Variants in RGSL1 observed in about 807,000 individuals in gnomAD.
RGSL1 encodes regulator of G protein signaling protein-like.
A neutral mutation model predicts 124.7 loss-of-function variants in RGSL1; 97 were observed. The observed-to-expected ratio is 0.78, with a 90% CI of 0.66 to 0.92. The LOEUF is 0.92. RGSL1 is among the 40% of genes least tolerant of loss of function. The pLI, the probability that RGSL1 is intolerant of heterozygous loss-of-function variation, is 0.00. For missense variants in RGSL1, 1,233 were observed against 1,288.4 expected (o/e 0.96, Z 0.66); for synonymous variants, 424 against 438.1 (o/e 0.97, Z 0.40).
At chr1:182,559,137 C>T (rs998054107) in intron 21 of RGSL1, among the ~76,000 whole-genome samples, 1 of 152,180 alleles carries the variant, frequency 6.6e-6, no homozygotes, top group Non-Finnish European at 1.5e-5. Flanking sequence ...TCAGTGCTCC[C>T]TGTGGCTCTC....
chr1:182,519,027 G>A (rs2439864), intron 9 of RGSL1, among the ~76,000 whole-genome samples: 130,525 of 150,854 alleles, frequency 0.87, 56,807 homozygotes, highest in Non-Finnish European at 0.89. Context: ...GGGTAGGTCA[G>A]TAATTTCTAT....
chr1:182,541,330 C>G (rs1659880044), intron 15 of RGSL1, among the ~76,000 whole-genome samples: 1 of 152,092 alleles, frequency 6.6e-6, no homozygotes, highest in African/African-American at 2.4e-5. Context: ...TGATATTTGT[C>G]CTTCTGTGTT....
chr1:182,450,792 T>G (rs1651749967), intron 1 of RGSL1, among the ~76,000 whole-genome samples: 1 of 152,204 alleles, frequency 6.6e-6, no homozygotes, highest in Non-Finnish European at 1.5e-5. Context: ...CTCAGTAATA[T>G]ACTCATTCAA....
chr1:182,508,491 G>C (rs968932681), intron 9 of RGSL1, among the ~76,000 whole-genome samples: 5 of 151,466 alleles, frequency 3.3e-5, no homozygotes, highest in African/African-American at 1.2e-4. Context: ...TAGAGATGAG[G>C]TTTCGCCATG....
At chr1:182,464,903 A>G (rs1455526096) in intron 4 of RGSL1, among the ~76,000 whole-genome samples, 1 of 152,038 alleles carries the variant, frequency 6.6e-6, no homozygotes, top group Non-Finnish European at 1.5e-5. Flanking sequence ...CCTGGGCAAC[A>G]TAATGAGACC....
Position 182,472,572 on chromosome 1 carries a change from G to T in RGSL1, c.463+15G>T, listed in dbSNP as rs2102035138. The T allele has an allele frequency of 4.7e-6, 7 of 1,504,786 alleles. No individual in the cohort carries two copies. The East Asian group carries it at 1.8e-4, about 38-fold the overall frequency. 93.2% of individuals were successfully genotyped at this position (1,504,786 alleles called of 1,614,324 possible). On this transcript the variant is annotated intron_variant, in intron 5 of 21. Coordinates refer to ENST00000294854, the MANE Select transcript of RGSL1 (RefSeq NM_001137669.2). ...CATGAACATCAGTAAGAATTATAAA[G>T]CATCTTTTTGGGGGGATGCAACAAA...
At chr1:182,494,542 CATT>C (rs2102119734) in intron 9 of RGSL1, among the ~76,000 whole-genome samples, 1 of 152,220 alleles carries the variant, frequency 6.6e-6, no homozygotes, top group East Asian at 1.9e-4. Context: ...ACGTGGCTCA[CATT>C]ATATTTTTAT....
At chr1:182,465,315 G>T (rs1018384206) in intron 4 of RGSL1, among the ~76,000 whole-genome samples, 7 of 152,088 alleles carry the variant, frequency 4.6e-5, no homozygotes, top group African/African-American at 1.7e-4. Flanking sequence ...TATTTGTAGG[G>T]ACATGGATGA....
chr1:182,559,078 C>CT (rs1661024300), intron 21 of RGSL1, among the ~76,000 whole-genome samples: 2 of 152,148 alleles, frequency 1.3e-5, no homozygotes, highest in African/African-American at 4.8e-5. Flanking sequence ...ATAGCTCTGA[C>CT]TATTCTTTCT....
chr1:182,501,423 A>G (rs1297288930), intron 9 of RGSL1, among the ~76,000 whole-genome samples: 1 of 137,724 alleles, frequency 7.3e-6, no homozygotes, highest in Non-Finnish European at 1.5e-5. Flanking sequence ...GGTTCAAGCA[A>G]TTCTCCTCCC....
At chr1:182,533,488 G>A (rs1659334628) in intron 14 of RGSL1, among the ~76,000 whole-genome samples, 1 of 140,540 alleles carries the variant, frequency 7.1e-6, no homozygotes. Flanking sequence ...CCAGGTGATG[G>A]AGATACAGTA....
At chr1:182,553,242 A>G (rs528198213) in intron 18 of RGSL1, among the ~76,000 whole-genome samples, 7 of 152,272 alleles carry the variant, frequency 4.6e-5, no homozygotes, top group Middle Eastern at 3.4e-3. Context: ...TCTTAATACC[A>G]TCTCTGTGGC....
At position 182,540,393 on chromosome 1, in the gene RGSL1, G is replaced by T. The variant is rs764357861; in HGVS notation, c.2641G>T (p.Asp881Tyr). Reference sequence around the variant, plus strand: ...TATCACTGTCAACTTTGCGATCAATGATCTATATTTCTTTTCTGAAATGGA... The same window carrying T: ...TATCACTGTCAACTTTGCGATCAATTATCTATATTTCTTTTCTGAAATGGA... ...RIITVNFAIN[D>Y]LYFFSEMEKF... Residue 881 changes from aspartate to tyrosine, a missense_variant, in exon 15 of 22, where the codon GAT becomes TAT. By Grantham distance (160) the Asp-to-Tyr change is radical (BLOSUM62 -3). Transcript: ENST00000294854. 1.3e-6 allele frequency: 2 copies of T among 1,550,394 alleles called. No individual in the cohort carries two copies. Among genetic ancestry groups the T allele is most frequent in the Admixed American group, 3.9e-5 (2 of 50,760 alleles).
At chr1:182,464,780 C>T (rs1653143924) in intron 4 of RGSL1, among the ~76,000 whole-genome samples, 1 of 150,522 alleles carries the variant, frequency 6.6e-6, no homozygotes, top group Non-Finnish European at 1.5e-5. Context: ...CTAAAAAAGA[C>T]TATAGATCAC....
rs1438194292 is a variant in RGSL1 at position 182,548,751 on chromosome 1, G to T, written c.2860G>T (p.Gly954Cys). The change falls in exon 17 of 22, where the codon GGC becomes TGC. Residue 954 changes from glycine to cysteine, a missense_variant. Transcript: ENST00000294854. ...TGCCATCCTTGCTGCCATCACAGAGGGCTACCTAGATCGGAGCGTCTTCCA... is the reference window on the plus strand; with the variant it reads ...TGCCATCCTTGCTGCCATCACAGAGTGCTACCTAGATCGGAGCGTCTTCCA... ...KDAILAAITEGYLDRSVFHGA... is the reference protein window; with the variant it reads ...KDAILAAITECYLDRSVFHGA... 6.4e-7 allele frequency: 1 copy of T among 1,551,484 alleles called. No homozygotes were observed. The highest frequency in any genetic ancestry group is 8.7e-7 in the Non-Finnish European group (1 of 1,146,984).
intron 6 of RGSL1, among the ~76,000 whole-genome samples, chr1:182,479,820 A>AAGC (rs1308474977): frequency 6.6e-6 from 1 of 152,218 alleles, no homozygotes; most frequent in Non-Finnish European, 1.5e-5. Context: ...TAACCCAAAA[A>AAGC]AGCATATTTG....
intron 15 of RGSL1, among the ~76,000 whole-genome samples, chr1:182,544,115 T>C (rs1660061319): frequency 1.3e-5 from 2 of 152,090 alleles, no homozygotes. Context: ...GTCTTTCTAC[T>C]TTTTTGATGT....
intron 6 of RGSL1, 138 bp from the exon 7 acceptor site, chr1:182,488,147 T>G (rs576959174): frequency 1.3e-6 from 1 of 747,136 alleles, no homozygotes; most frequent in African/African-American, 1.8e-5. Context: ...TCATAGCTAA[T>G]GTTTGCTGTT....
chr1:182,477,131 A>G (rs1158769801), intron 6 of RGSL1, among the ~76,000 whole-genome samples: 1 of 152,170 alleles, frequency 6.6e-6, no homozygotes, highest in Non-Finnish European at 1.5e-5. Flanking sequence ...TTGGGACCCA[A>G]GTTGGAGGTT....
Sources: gnomAD v4.1 joint callset for allele counts (sites outside exome capture counted in the v4.1 genomes callset) on GRCh38, gnomAD v4.1.1 for gene constraint, MANE v1.5 for transcripts, NCBI Gene and HGNC (gene_info 2026-07-23, HGNC 2026-07-21) for gene names.